The following FHIT variants were observed in gnomAD, a reference collection of about 807,000 sequenced individuals.
FHIT encodes the protein bis(5'-adenosyl)-triphosphatase.
A neutral mutation model predicts 17.9 loss-of-function variants in FHIT; 19 were observed. The observed-to-expected ratio is 1.06, with a 90% CI of 0.74 to 1.56. FHIT has a LOEUF of 1.56. Among genes scored for constraint, FHIT ranks in the 40% most tolerant of loss-of-function variants. The pLI is 0.00. For synonymous variants in FHIT, 81 were observed against 69.7 expected (o/e 1.16, Z -0.81); for missense variants, 248 against 189.2 (o/e 1.31, Z -1.82).
At chr3:60,436,508 C>G (rs2594249) in intron 5 of FHIT, among the ~76,000 whole-genome samples, 145,987 of 152,216 alleles carry the variant, frequency 0.96, 70,296 homozygotes, top group East Asian at 1. Context: ...CCAACAGAAG[C>G]TCTAGGCTTT....
At chr3:59,965,447 C>G (rs1707882217) in intron 7 of FHIT, among the ~76,000 whole-genome samples, 1 of 152,130 alleles carries the variant, frequency 6.6e-6, no homozygotes, top group Non-Finnish European at 1.5e-5. Flanking sequence ...TGACAAGTTT[C>G]TTGTTGTTGT....
chr3:60,744,244 T>C (rs1470311045), intron 4 of FHIT, among the ~76,000 whole-genome samples: 13 of 42,446 alleles, frequency 3.1e-4, no homozygotes, highest in African/African-American at 3.4e-4. Flanking sequence ...TTGGAAGTAA[T>C]GTAAAAAAAA....
At chr3:60,082,788 G>C (rs1348216886) in intron 5 of FHIT, among the ~76,000 whole-genome samples, 1 of 152,048 alleles carries the variant, frequency 6.6e-6, no homozygotes, top group Non-Finnish European at 1.5e-5. Context: ...AGAAGTGTCT[G>C]TTCATGTATT....
chr3:59,958,145 G>C (rs935679173), intron 7 of FHIT, among the ~76,000 whole-genome samples: 11 of 152,168 alleles, frequency 7.2e-5, no homozygotes, highest in African/African-American at 2.2e-4. Context: ...TCTCTAGCTG[G>C]AACATGTATC....
intron 1 of FHIT, among the ~76,000 whole-genome samples, chr3:61,206,961 T>C (rs113738603): frequency 6.6e-6 from 1 of 152,216 alleles, no homozygotes; most frequent in African/African-American, 2.4e-5. Flanking sequence ...GGGTTTGTCA[T>C]AGATAGCTCT....
intron 8 of FHIT, among the ~76,000 whole-genome samples, chr3:59,865,486 G>A (rs1455316932): frequency 6.6e-6 from 1 of 152,206 alleles, no homozygotes; most frequent in Non-Finnish European, 1.5e-5. Context: ...TGAAAAATGG[G>A]AAGCCTTTAT....
chr3:61,228,662 C>G (rs1458385388), intron 1 of FHIT, among the ~76,000 whole-genome samples: 1 of 152,178 alleles, frequency 6.6e-6, no homozygotes, highest in African/African-American at 2.4e-5. Flanking sequence ...ACATCTGTTA[C>G]TTAGGTCTTA....
intron 5 of FHIT, among the ~76,000 whole-genome samples, chr3:60,096,335 G>C (rs1389993034): frequency 1.3e-5 from 2 of 152,164 alleles, no homozygotes; most frequent in East Asian, 3.9e-4. Context: ...TCTGAGTCTG[G>C]GGCTTTTATA....
At chr3:60,626,797 T>C (rs1412966267) in intron 4 of FHIT, among the ~76,000 whole-genome samples, 4 of 62,844 alleles carry the variant, frequency 6.4e-5, no homozygotes, top group African/African-American at 2.0e-4. Context: ...TTTTTTTTTT[T>C]TTTTTTACGT....
intron 5 of FHIT, among the ~76,000 whole-genome samples, chr3:60,443,604 T>C (rs560434353): frequency 2.0e-5 from 3 of 152,298 alleles, no homozygotes; most frequent in African/African-American, 4.8e-5. Flanking sequence ...GAACCAGCCT[T>C]GCATCCCAGG....
intron 4 of FHIT, among the ~76,000 whole-genome samples, chr3:60,685,770 A>G (rs778861415): frequency 2.6e-5 from 4 of 152,188 alleles, no homozygotes; most frequent in Non-Finnish European, 4.4e-5. Context: ...AACTCCCTCT[A>G]AATTCAAGTT....
intron 5 of FHIT, among the ~76,000 whole-genome samples, chr3:60,481,791 C>T (rs775883959): frequency 3.9e-5 from 6 of 152,232 alleles, no homozygotes; most frequent in Admixed American, 6.5e-5. Context: ...AACTAGATAG[C>T]ATCATCATGA....
Position 60,972,097 on chromosome 3 carries a change from G to C in FHIT, c.-111+69950C>G, listed in dbSNP as rs539421119. On this transcript the variant is annotated intron_variant, in intron 3 of 9. Transcript: ENST00000492590. Reference sequence around the variant, plus strand: ...TTAAATTGTTCTATCTTTAGTTATAGGACTTACACTCCACTAAACATTACT... The same window carrying C: ...TTAAATTGTTCTATCTTTAGTTATACGACTTACACTCCACTAAACATTACT... Among the ~76,000 whole-genome samples, 18 of 152,094 alleles carry C rather than the reference G, an allele frequency of 1.2e-4. No individual in the cohort carries two copies. In the South Asian group the frequency reaches 3.7e-3, roughly 32 times the overall value.
At chr3:60,134,553 A>G (rs1366824648) in intron 5 of FHIT, among the ~76,000 whole-genome samples, 1 of 152,222 alleles carries the variant, frequency 6.6e-6, no homozygotes, top group Non-Finnish European at 1.5e-5. Flanking sequence ...CATGATGACT[A>G]TGTTCATGAA....
chr3:60,869,443 G>A (rs1264973443), intron 3 of FHIT, among the ~76,000 whole-genome samples: 1 of 152,100 alleles, frequency 6.6e-6, no homozygotes, highest in African/African-American at 2.4e-5. Context: ...TTCTATCTCT[G>A]CTTCTCAATT....
intron 7 of FHIT, among the ~76,000 whole-genome samples, chr3:59,949,709 G>C (rs1575749712): frequency 6.6e-6 from 1 of 152,156 alleles, no homozygotes. Flanking sequence ...CTCACATTTG[G>C]CTAATTAAGA....
intron 2 of FHIT, among the ~76,000 whole-genome samples, chr3:61,188,523 G>T (rs2038601174): frequency 6.6e-6 from 1 of 152,112 alleles, no homozygotes. Flanking sequence ...GCTAGTACCA[G>T]TCCTTCTGAA....
intron 4 of FHIT, among the ~76,000 whole-genome samples, chr3:60,549,494 T>C (rs1328265313): frequency 6.6e-6 from 1 of 152,188 alleles, no homozygotes; most frequent in East Asian, 1.9e-4. Context: ...AATCACTGTG[T>C]TCAAAGTATA....
chr3:60,544,000 C>T (rs1368058110), intron 4 of FHIT, among the ~76,000 whole-genome samples: 1 of 146,722 alleles, frequency 6.8e-6, no homozygotes, highest in Non-Finnish European at 1.5e-5. Context: ...CCTCATGATC[C>T]ACCCATCTTG....
Sources: allele counts gnomAD v4.1 joint callset (sites outside exome capture counted in the v4.1 genomes callset), GRCh38; gene constraint gnomAD v4.1.1; transcripts MANE v1.5; gene names NCBI Gene and HGNC (gene_info 2026-07-23, HGNC 2026-07-21).